Variants in WWOX observed in about 807,000 individuals in gnomAD.
The protein encoded by WWOX is WW domain containing oxidoreductase.
In WWOX, 69 loss-of-function variants were observed where a neutral mutation model predicts 46.2. That is an observed-to-expected ratio of 1.49 (90% CI 1.23 to 1.82). The LOEUF (loss-of-function observed/expected upper bound fraction) is 1.82. Ranked by LOEUF, WWOX falls within the 40% of genes most tolerant of loss-of-function variation. The pLI, the probability that WWOX is intolerant of heterozygous loss-of-function variation, is 0.00. For missense variants in WWOX, 919 were observed against 542.6 expected (o/e 1.69, Z -6.89); for synonymous variants, 359 against 202.6 (o/e 1.77, Z -6.56).
intron 8 of WWOX, among the ~76,000 whole-genome samples, chr16:78,827,775 C>T (rs914197797): frequency 2.0e-5 from 3 of 152,040 alleles, no homozygotes; most frequent in Non-Finnish European, 4.4e-5. Context: ...TGGGAGGCAG[C>T]GGTTGCAGTG....
chr16:79,001,176 T>G (rs186807549), intron 8 of WWOX, among the ~76,000 whole-genome samples: 1 of 152,248 alleles, frequency 6.6e-6, no homozygotes, highest in African/African-American at 2.4e-5. Flanking sequence ...TGAATGCACT[T>G]TTGAATAAAG....
At position 79,027,162 on chromosome 16, in the gene WWOX, C is replaced by A. The variant is rs545985300; in HGVS notation, c.1057-184446C>A. Among the ~76,000 whole-genome samples, 3 of 151,050 alleles carry A rather than the reference C, an allele frequency of 2.0e-5. No individual in the cohort carries two copies. The East Asian group carries it at 5.9e-4, about 30-fold the overall frequency. On this transcript the variant is annotated intron_variant, in intron 8 of 8. Transcript: ENST00000566780. Reference sequence around the variant, plus strand: ...GGGCATGGTGGTACATGCCTGTAGTCCCAGCTACTCAGGAGGCTGAAGTGG... The same window carrying A: ...GGGCATGGTGGTACATGCCTGTAGTACCAGCTACTCAGGAGGCTGAAGTGG...
At chr16:78,171,282 C>T (rs1416736607) in intron 5 of WWOX, among the ~76,000 whole-genome samples, 4 of 152,100 alleles carry the variant, frequency 2.6e-5, no homozygotes, top group Non-Finnish European at 1.5e-5. Context: ...GAGTAAATTG[C>T]TCGCACTTTT....
At chr16:78,861,479 C>T (rs921134547) in intron 8 of WWOX, among the ~76,000 whole-genome samples, 42 of 152,258 alleles carry the variant, frequency 2.8e-4, no homozygotes, top group African/African-American at 8.4e-4. Context: ...GTTGTTTTAT[C>T]TCTCTCCACC....
chr16:78,733,983 C>T (rs1293027973), intron 8 of WWOX, among the ~76,000 whole-genome samples: 3 of 150,546 alleles, frequency 2.0e-5, no homozygotes, highest in Non-Finnish European at 4.4e-5. Flanking sequence ...TCCTCTGCAC[C>T]CAGGTAGCCG....
intron 4 of WWOX, among the ~76,000 whole-genome samples, chr16:78,144,490 C>CACATATATATATATAT (rs1567596498): frequency 0.017 from 117 of 7,052 alleles, 8 homozygotes; most frequent in Non-Finnish European, 0.022. Flanking sequence ...TATATATACA[C>CACATATATATATATAT]ACACACACAC....
intron 8 of WWOX, among the ~76,000 whole-genome samples, chr16:78,581,768 T>G (rs1280596612): frequency 1.3e-5 from 2 of 152,212 alleles, no homozygotes; most frequent in African/African-American, 4.8e-5. Context: ...TTCCCTACCT[T>G]TAGATGACAG....
At chr16:78,404,308 A>C (rs1257817954) in intron 6 of WWOX, among the ~76,000 whole-genome samples, 1 of 152,130 alleles carries the variant, frequency 6.6e-6, no homozygotes, top group African/African-American at 2.4e-5. Flanking sequence ...TAATTCAACA[A>C]AATTCTGTTG....
chr16:78,491,453 C>T (rs970720330), intron 8 of WWOX, among the ~76,000 whole-genome samples: 10 of 152,120 alleles, frequency 6.6e-5, no homozygotes, highest in African/African-American at 2.2e-4. Context: ...CAGTGGTACT[C>T]GATGTGTTGT....
At chr16:78,988,294 A>G (rs762716099) in intron 8 of WWOX, among the ~76,000 whole-genome samples, 8 of 151,918 alleles carry the variant, frequency 5.3e-5, no homozygotes, top group Non-Finnish European at 1.2e-4. Flanking sequence ...CAGTGAGCCA[A>G]GATCACGCTA....
chr16:79,177,768 A>G lies in WWOX; in HGVS notation c.1057-33840A>G, dbSNP rs143534052. 4.9e-3 allele frequency among the ~76,000 whole-genome samples: 750 copies of G among 152,356 alleles called. 5 individuals are homozygous for G. Among genetic ancestry groups the G allele is most frequent in the African/African-American group, 7.8e-3 (325 of 41,590 alleles). On this transcript the variant is annotated intron_variant, in intron 8 of 8. Transcript: ENST00000566780. ...GCAGACTTTCTGAAAAGGGACAGAT[A>G]GTAAATATTTTAGGCTTTGTGGACC...
Position 78,260,301 on chromosome 16 carries a change from A to T in WWOX, c.516+96012A>T, listed in dbSNP as rs566239985. Among the ~76,000 whole-genome samples the T allele has an allele frequency of 5.3e-5, 8 of 151,690 alleles. No individual in the cohort carries two copies. In the South Asian group the frequency reaches 1.7e-3, roughly 31 times the overall value. On this transcript the variant is annotated intron_variant, in intron 5 of 8. Coordinates refer to ENST00000566780, the MANE Select transcript of WWOX (RefSeq NM_016373.4). ...AACAGAAAACAACAACATCACTAACAAACAAGTTCCCACAAAGACCCCATC... is the reference window on the plus strand; with the variant it reads ...AACAGAAAACAACAACATCACTAACTAACAAGTTCCCACAAAGACCCCATC...
At chr16:79,000,280 A>T (rs576308979) in intron 8 of WWOX, among the ~76,000 whole-genome samples, 1 of 152,338 alleles carries the variant, frequency 6.6e-6, no homozygotes, top group South Asian at 2.1e-4. Flanking sequence ...CATCTCTGGT[A>T]GACAGAGTAA....
chr16:78,955,494 C>T (rs140063097), intron 8 of WWOX, among the ~76,000 whole-genome samples: 10 of 152,176 alleles, frequency 6.6e-5, no homozygotes, highest in Non-Finnish European at 1.3e-4. Context: ...ACTAGGATGG[C>T]GCGAAGTTCA....
At chr16:78,546,289 G>A (rs747044908) in intron 8 of WWOX, among the ~76,000 whole-genome samples, 14 of 152,140 alleles carry the variant, frequency 9.2e-5, no homozygotes, top group Admixed American at 3.9e-4. Context: ...GGAACAGAAG[G>A]GGGTCAGGCA....
chr16:78,388,836 G>A (rs1339967633), intron 6 of WWOX, among the ~76,000 whole-genome samples: 1 of 151,722 alleles, frequency 6.6e-6, no homozygotes, highest in Non-Finnish European at 1.5e-5. Flanking sequence ...GGGCGGGGAG[G>A]CACATGCCTG....
At chr16:78,502,835 A>G (rs916642271) in intron 8 of WWOX, among the ~76,000 whole-genome samples, 1 of 152,194 alleles carries the variant, frequency 6.6e-6, no homozygotes, top group African/African-American at 2.4e-5. Context: ...TACTTACAGT[A>G]TGACTCGTAA....
rs534248139 is a variant in WWOX at position 78,512,849 on chromosome 16, G to C, written c.1056+80097G>C. 2.6e-5 allele frequency among the ~76,000 whole-genome samples: 4 copies of C among 152,296 alleles called. No individual in the cohort carries two copies. The East Asian group carries it at 7.7e-4, about 29-fold the overall frequency. On this transcript the variant is annotated intron_variant, in intron 8 of 8. Transcript: ENST00000566780. ...CAGAGCAGTCCCTTTGCTTCCGAAT[G>C]CAGCCCTCCCATTGGAATCACTTTG...
intron 5 of WWOX, among the ~76,000 whole-genome samples, chr16:78,220,836 C>T (rs1046021066): frequency 1.3e-5 from 2 of 152,136 alleles, no homozygotes; most frequent in Non-Finnish European, 1.5e-5. Flanking sequence ...GAAACATGCC[C>T]ATCATTTCTT....
Sources: allele counts gnomAD v4.1 joint callset (sites outside exome capture counted in the v4.1 genomes callset), GRCh38; gene constraint gnomAD v4.1.1; transcripts MANE v1.5; gene names NCBI Gene and HGNC (gene_info 2026-07-23, HGNC 2026-07-21).